CDH18: variants seen among roughly 807,000 people sequenced by gnomAD.
CDH18 encodes cadherin-18.
Under a neutral mutation model 67.9 loss-of-function variants are expected in CDH18, and 31 were observed. The observed-to-expected ratio is 0.46, with a 90% CI of 0.34 to 0.62. The LOEUF is 0.62. Among genes scored for constraint, CDH18 ranks in the 20% least tolerant of loss-of-function variants. The probability of loss-of-function intolerance (pLI) is 0.01; values close to 1 mark genes in which losing one functional copy is unlikely to be tolerated. For synonymous variants in CDH18, 362 were observed against 347.2 expected, an observed-to-expected ratio of 1.04 and a Z score of -0.48; for missense variants, 890 against 975.5, an observed-to-expected ratio of 0.91 and a Z score of 1.17.
intron 1 of CDH18, among the ~76,000 whole-genome samples, chr5:20,266,519 T>C (rs990867442): frequency 9.4e-5 from 14 of 148,258 alleles, no homozygotes; most frequent in Non-Finnish European, 1.8e-4. Flanking sequence ...TTCTCTTGCC[T>C]CAGCCTCCTG....
At chr5:20,108,679 C>A (rs1410884104) in intron 2 of CDH18, among the ~76,000 whole-genome samples, 1 of 152,132 alleles carries the variant, frequency 6.6e-6, no homozygotes, top group Admixed American at 6.6e-5. Flanking sequence ...TTCCCAGGGA[C>A]ATTTTCTCTG....
intron 1 of CDH18, among the ~76,000 whole-genome samples, chr5:20,478,528 A>G (rs905163583): frequency 6.6e-6 from 1 of 151,938 alleles, no homozygotes; most frequent in Non-Finnish European, 1.5e-5. Context: ...GCATGAGGAA[A>G]GGAGAGAGAA....
At chr5:19,927,590 T>C in intron 2 of CDH18, among the ~76,000 whole-genome samples, 2 of 152,270 alleles carry the variant, frequency 1.3e-5, no homozygotes, top group African/African-American at 4.8e-5. Flanking sequence ...AGCACATATA[T>C]ATAAATTATT....
At position 20,375,369 on chromosome 5, in the gene CDH18, A is replaced by C. The variant is rs190963879; in HGVS notation, c.-579-119864T>G. On this transcript the variant is annotated intron_variant, in intron 1 of 14. Coordinates refer to the CDH18 transcript ENST00000507958. The stretch of plus-strand genomic sequence containing the variant: ...TTGGAAAGCAGAATTGGGATGAAAC[A>C]TGTAATAGAACTGACAACTGATAGC... Among the ~76,000 whole-genome samples, 17 of 152,344 alleles carry C rather than the reference A, an allele frequency of 1.1e-4. No individual in the cohort carries two copies. In the East Asian group the frequency reaches 2.9e-3, roughly 26 times the overall value.
intron 2 of CDH18, among the ~76,000 whole-genome samples, chr5:19,904,205 C>T (rs1210207243): frequency 2.0e-5 from 3 of 151,000 alleles, no homozygotes; most frequent in African/African-American, 7.3e-5. Flanking sequence ...ACTCCGGAGG[C>T]GGAGATTGCA....
chr5:20,151,696 T>C (rs145706366), intron 2 of CDH18, among the ~76,000 whole-genome samples: 1,984 of 152,272 alleles, frequency 0.013, 30 homozygotes, highest in Non-Finnish European at 0.019. Flanking sequence ...TGTGAGACGG[T>C]ACGTCAAATA....
intron 9 of CDH18, among the ~76,000 whole-genome samples, chr5:19,531,187 C>T (rs770298): frequency 5.3e-5 from 8 of 151,950 alleles, no homozygotes; most frequent in Non-Finnish European, 1.2e-4. Flanking sequence ...AGATAAGACA[C>T]AAATATGTGA....
At chr5:20,491,854 C>T (rs948748274) in intron 1 of CDH18, among the ~76,000 whole-genome samples, 1 of 152,116 alleles carries the variant, frequency 6.6e-6, no homozygotes, top group Non-Finnish European at 1.5e-5. Flanking sequence ...TAAATTTAAC[C>T]ATCACAGGGA....
At chr5:19,751,840 T>A (rs946705357) in intron 3 of CDH18, among the ~76,000 whole-genome samples, 1 of 152,348 alleles carries the variant, frequency 6.6e-6, no homozygotes, top group East Asian at 1.9e-4. Flanking sequence ...GAGTCAGGAC[T>A]GGATTGCAGC....
At chr5:19,739,914 CTCT>C (rs1768878028) in intron 4 of CDH18, among the ~76,000 whole-genome samples, 1 of 152,056 alleles carries the variant, frequency 6.6e-6, no homozygotes. Context: ...CAGCTGGTGT[CTCT>C]TCTTGTTGCT....
intron 1 of CDH18, among the ~76,000 whole-genome samples, chr5:20,492,455 T>C (rs1753651576): frequency 6.6e-6 from 1 of 152,166 alleles, no homozygotes. Context: ...CTTTCCCTAG[T>C]AAAGTTGTGG....
intron 2 of CDH18, among the ~76,000 whole-genome samples, chr5:20,203,064 C>G (rs949756488): frequency 1.3e-5 from 2 of 152,024 alleles, no homozygotes; most frequent in African/African-American, 4.8e-5. Context: ...GAGAATTGGA[C>G]TTCTATGTCT....
chr5:20,409,421 G>T (rs10045245), intron 1 of CDH18, among the ~76,000 whole-genome samples: 78,877 of 151,314 alleles, frequency 0.52, 21,097 homozygotes, highest in Middle Eastern at 0.61. Context: ...GAACAACCAG[G>T]AGGTCAAAAA....
intron 7 of CDH18, among the ~76,000 whole-genome samples, chr5:19,589,233 T>C (rs1370048008): frequency 1.3e-5 from 2 of 152,092 alleles, no homozygotes; most frequent in African/African-American, 2.4e-5. Flanking sequence ...TAATCCAAAA[T>C]TGTTTTAAAT....
At chr5:19,751,057 A>C (rs1264605360) in intron 3 of CDH18, among the ~76,000 whole-genome samples, 2 of 152,122 alleles carry the variant, frequency 1.3e-5, no homozygotes, top group African/African-American at 4.8e-5. Flanking sequence ...AATGCTAGTA[A>C]TCTCTAGCAT....
At chr5:19,995,247 T>C (rs888937384) in intron 2 of CDH18, among the ~76,000 whole-genome samples, 2 of 152,022 alleles carry the variant, frequency 1.3e-5, no homozygotes, top group African/African-American at 4.8e-5. Context: ...TTGAAACATA[T>C]AATAAACCAT....
chr5:20,363,883 T>G (rs1291505348), intron 1 of CDH18, among the ~76,000 whole-genome samples: 2 of 152,140 alleles, frequency 1.3e-5, no homozygotes, highest in Non-Finnish European at 2.9e-5. Context: ...ATAATAATCT[T>G]TAATCTTTGT....
rs1317879032 is a variant in CDH18 at position 19,799,453 on chromosome 5, CA to C, written c.228+39305del. 6.3e-3 allele frequency among the ~76,000 whole-genome samples: 952 copies of C among 151,816 alleles called. 3 individuals are homozygous for C. Among genetic ancestry groups the C allele is most frequent in the South Asian group, 0.012 (58 of 4,814 alleles). ...TATTCTCAACACACACACACACACA[CA>C]CACACACACACACACACACCACATA... On this transcript the variant is annotated intron_variant, in intron 3 of 12. Transcript: ENST00000382275.
At chr5:20,197,594 A>T (rs955523980) in intron 2 of CDH18, among the ~76,000 whole-genome samples, 1 of 152,164 alleles carries the variant, frequency 6.6e-6, no homozygotes, top group East Asian at 1.9e-4. Context: ...GGCAGTGATC[A>T]TGATTTTGTC....
Sources: allele counts gnomAD v4.1 joint callset (sites outside exome capture counted in the v4.1 genomes callset), GRCh38; gene constraint gnomAD v4.1.1; transcripts MANE v1.5; gene names NCBI Gene and HGNC (gene_info 2026-07-23, HGNC 2026-07-21).